The following FBXL17 variants were observed in gnomAD, a reference collection of about 807,000 sequenced individuals.
FBXL17 encodes F-box and leucine rich repeat protein 17.
A neutral mutation model predicts 66.2 loss-of-function variants in FBXL17; 22 were observed. The ratio of observed to expected loss-of-function variants is 0.33; its 90% CI spans 0.24 to 0.47. The LOEUF (loss-of-function observed/expected upper bound fraction) is 0.47. Ranked by LOEUF, FBXL17 falls within the 20% of genes least tolerant of loss-of-function variation. The pLI, the probability that FBXL17 is intolerant of heterozygous loss-of-function variation, is 1.00. For missense variants in FBXL17, 878 were observed against 948.2 expected (o/e 0.93, Z 0.97); for synonymous variants, 474 against 400.5 (o/e 1.18, Z -2.19).
At chr5:108,164,777 C>T (rs1392779272) in intron 6 of FBXL17, among the ~76,000 whole-genome samples, 4 of 152,126 alleles carry the variant, frequency 2.6e-5, no homozygotes, top group East Asian at 1.9e-4. Context: ...AAGTAACTTG[C>T]GCAATGACAA....
At chr5:108,138,626 T>A (rs546426137) in intron 6 of FBXL17, among the ~76,000 whole-genome samples, 3 of 152,312 alleles carry the variant, frequency 2.0e-5, no homozygotes, top group Non-Finnish European at 2.9e-5. Context: ...TTCCCCTCAC[T>A]TACACATAGC....
intron 6 of FBXL17, among the ~76,000 whole-genome samples, chr5:108,083,623 G>A (rs1748861047): frequency 6.7e-6 from 1 of 149,348 alleles, no homozygotes; most frequent in Middle Eastern, 3.2e-3. Flanking sequence ...GCTCAGGTTA[G>A]CCTTGAACTT....
chr5:108,217,263 C>T (rs1244836622), intron 5 of FBXL17, among the ~76,000 whole-genome samples: 3 of 152,130 alleles, frequency 2.0e-5, no homozygotes, highest in Non-Finnish European at 4.4e-5. Context: ...TCGCTCTAAC[C>T]TCACCTTTGA....
chr5:108,326,728 A>G (rs1431275750), intron 4 of FBXL17, among the ~76,000 whole-genome samples: 2 of 152,188 alleles, frequency 1.3e-5, no homozygotes, highest in Non-Finnish European at 1.5e-5. Flanking sequence ...ATAAGGTACC[A>G]CCATACACTC....
intron 1 of FBXL17, among the ~76,000 whole-genome samples, chr5:108,372,382 A>G (rs1215547768): frequency 6.6e-6 from 1 of 152,236 alleles, no homozygotes; most frequent in African/African-American, 2.4e-5. Context: ...AATAATGGCT[A>G]AAACTTTCCA....
At chr5:107,872,808 C>T (rs1748499155) in intron 8 of FBXL17, among the ~76,000 whole-genome samples, 2 of 152,182 alleles carry the variant, frequency 1.3e-5, no homozygotes, top group Admixed American at 6.5e-5. Flanking sequence ...GAGACAGATG[C>T]TATTATTTTC....
At chr5:107,934,518 T>G (rs563160555) in intron 7 of FBXL17, among the ~76,000 whole-genome samples, 13 of 152,202 alleles carry the variant, frequency 8.5e-5, no homozygotes, top group Non-Finnish European at 1.5e-4. Context: ...TGTTTTTTCT[T>G]TTTAAAACTA....
At chr5:108,046,887 T>C (rs1228035345) in intron 6 of FBXL17, among the ~76,000 whole-genome samples, 1 of 152,238 alleles carries the variant, frequency 6.6e-6, no homozygotes, top group African/African-American at 2.4e-5. Context: ...ATGTTCTTTT[T>C]GATATTGCAA....
chr5:108,146,306 C>CAA (rs112908152), intron 6 of FBXL17, among the ~76,000 whole-genome samples: 2 of 135,542 alleles, frequency 1.5e-5, no homozygotes, highest in Admixed American at 7.4e-5. Flanking sequence ...CACTTTGGTA[C>CAA]AAAAAAAAAA....
At chr5:108,370,963 T>C (rs920458694) in intron 1 of FBXL17, among the ~76,000 whole-genome samples, 4 of 152,066 alleles carry the variant, frequency 2.6e-5, no homozygotes, top group African/African-American at 9.7e-5. Context: ...AAGATGAGTT[T>C]CCTGGGTTTT....
At position 107,957,421 on chromosome 5, in the gene FBXL17, A is replaced by G. The variant is rs550113604; in HGVS notation, c.1822+63504T>C. ...GAAAACTGGCTCCAGGTCTAATTAT[A>G]AAAAAAAAATCACTCACAAGAAGAG... On this transcript the variant is annotated intron_variant, in intron 7 of 8. Transcript: ENST00000542267. 2.0e-3 allele frequency among the ~76,000 whole-genome samples: 298 copies of G among 149,348 alleles called. 1 individual carries two copies. The highest frequency in any genetic ancestry group is 3.6e-3 in the South Asian group (17 of 4,730).
Position 107,914,217 on chromosome 5 carries a change from G to T in FBXL17, c.1823-33038C>A, listed in dbSNP as rs117251256. Among the ~76,000 whole-genome samples the T allele has an allele frequency of 6.2e-4, 95 of 152,186 alleles. 1 individual carries two copies. The East Asian group carries it at 0.01, about 17-fold the overall frequency. On this transcript the variant is annotated intron_variant, in intron 7 of 8. Coordinates refer to ENST00000542267, the MANE Select transcript of FBXL17 (RefSeq NM_001163315.3). ...GTATAGTCAATTTAAGTGGATTGAT[G>T]GGTTACTAGAGTCATGGGGGAAAAC...
chr5:108,128,276 C>G (rs1750798659), intron 6 of FBXL17, among the ~76,000 whole-genome samples: 1 of 151,556 alleles, frequency 6.6e-6, no homozygotes, highest in Non-Finnish European at 1.5e-5. Context: ...TGTCTTTAAT[C>G]CTGAATTTAT....
At chr5:108,140,103 TAG>T in intron 6 of FBXL17, among the ~76,000 whole-genome samples, 1 of 152,280 alleles carries the variant, frequency 6.6e-6, no homozygotes, top group East Asian at 1.9e-4. Flanking sequence ...TGCAGTGCAG[TAG>T]AGTCATCTCA....
chr5:108,080,673 T>G (rs1480688441), intron 6 of FBXL17, among the ~76,000 whole-genome samples: 1 of 152,078 alleles, frequency 6.6e-6, no homozygotes, highest in Non-Finnish European at 1.5e-5. Context: ...TGGTTCAGTC[T>G]GAAAAGGCAA....
intron 6 of FBXL17, among the ~76,000 whole-genome samples, chr5:108,165,489 T>A (rs1055265110): frequency 1.3e-5 from 2 of 152,170 alleles, no homozygotes; most frequent in African/African-American, 4.8e-5. Context: ...TACAGTCAAT[T>A]CTAGACCATG....
At chr5:108,100,164 A>G (rs1749545591) in intron 6 of FBXL17, among the ~76,000 whole-genome samples, 2 of 152,294 alleles carry the variant, frequency 1.3e-5, no homozygotes, top group East Asian at 3.9e-4. Flanking sequence ...ATTATTTACA[A>G]TTGTATTATT....
intron 4 of FBXL17, among the ~76,000 whole-genome samples, chr5:108,292,403 G>A (rs1373455484): frequency 1.3e-5 from 2 of 152,068 alleles, no homozygotes; most frequent in Non-Finnish European, 2.9e-5. Context: ...TTACAGGCAT[G>A]AGCCACCATG....
At chr5:107,935,610 AAT>A (rs1320077091) in intron 7 of FBXL17, among the ~76,000 whole-genome samples, 1 of 152,136 alleles carries the variant, frequency 6.6e-6, no homozygotes, top group Non-Finnish European at 1.5e-5. Flanking sequence ...TAGGAGCAAC[AAT>A]AGAGAGGTAG....
Sources: gnomAD v4.1 joint callset for allele counts (sites outside exome capture counted in the v4.1 genomes callset) on GRCh38, gnomAD v4.1.1 for gene constraint, MANE v1.5 for transcripts, NCBI Gene and HGNC (gene_info 2026-07-23, HGNC 2026-07-21) for gene names.